Variants in EPC2 observed in about 807,000 individuals in gnomAD.
EPC2 encodes enhancer of polycomb 2, also known as enhancer of polycomb homolog 2.
Under a neutral mutation model 92.1 loss-of-function variants are expected in EPC2, and 14 were observed. That is an observed-to-expected ratio of 0.15 (90% CI 0.10 to 0.24). EPC2 has a LOEUF of 0.24. Among genes scored for constraint, EPC2 ranks in the 10% least tolerant of loss-of-function variants. The pLI, the probability that EPC2 is intolerant of heterozygous loss-of-function variation, is 1.00. For synonymous variants in EPC2, 340 were observed against 334.7 expected (o/e 1.02, Z -0.17); for missense variants, 755 against 971.5 (o/e 0.78, Z 2.96).
chr2:148,662,380 C>G (rs148629065), intron 1 of EPC2, among the ~76,000 whole-genome samples: 1 of 152,044 alleles, frequency 6.6e-6, no homozygotes, highest in Non-Finnish European at 1.5e-5. Context: ...ATGTTTATTG[C>G]GGCACTTTTC....
At chr2:148,682,027 C>T (rs114417330) in intron 1 of EPC2, among the ~76,000 whole-genome samples, 3,930 of 152,266 alleles carry the variant, frequency 0.026, 56 homozygotes, top group East Asian at 0.031. Context: ...CAGCTGCATC[C>T]ATGTCCCAGC....
intron 2 of EPC2, among the ~76,000 whole-genome samples, chr2:148,728,331 TA>T (rs1358413192): frequency 3.1e-4 from 47 of 152,190 alleles, no homozygotes; most frequent in African/African-American, 1.1e-3. Flanking sequence ...TGCTTAATAA[TA>T]TAGTCTCAAA....
At chr2:148,683,195 A>C (rs975082635) in intron 1 of EPC2, among the ~76,000 whole-genome samples, 3 of 151,844 alleles carry the variant, frequency 2.0e-5, no homozygotes, top group African/African-American at 4.8e-5. Context: ...AGCAGTGTAC[A>C]CTGTACCCAG....
At chr2:148,709,938 C>G (rs1019597181) in intron 2 of EPC2, among the ~76,000 whole-genome samples, 3 of 152,044 alleles carry the variant, frequency 2.0e-5, no homozygotes, top group African/African-American at 7.2e-5. Context: ...TAGGCATGGA[C>G]AAGGAATTCA....
intron 3 of EPC2, among the ~76,000 whole-genome samples, chr2:148,744,260 T>G (rs1481285682): frequency 1.3e-5 from 2 of 152,152 alleles, no homozygotes; most frequent in Admixed American, 1.3e-4. Flanking sequence ...TGGCACTGTC[T>G]TTCTGGAAAG....
intron 2 of EPC2, among the ~76,000 whole-genome samples, chr2:148,706,460 A>C (rs1017703970): frequency 3.9e-5 from 6 of 152,228 alleles, no homozygotes; most frequent in African/African-American, 1.4e-4. Context: ...CAACCTAGCA[A>C]GGCAGGCCAA....
At chr2:148,682,124 A>G (rs1558807843) in intron 1 of EPC2, among the ~76,000 whole-genome samples, 1 of 152,196 alleles carries the variant, frequency 6.6e-6, no homozygotes, top group Non-Finnish European at 1.5e-5. Flanking sequence ...TCTGTCATTC[A>G]TGGACATTTG....
At chr2:148,705,957 C>G (rs1681990551) in intron 2 of EPC2, among the ~76,000 whole-genome samples, 1 of 152,214 alleles carries the variant, frequency 6.6e-6, no homozygotes, top group East Asian at 1.9e-4. Context: ...CAAAGGATCA[C>G]AGCTCCTCAC....
chr2:148,655,426 T>C (rs777260287), intron 1 of EPC2, among the ~76,000 whole-genome samples: 1 of 152,210 alleles, frequency 6.6e-6, no homozygotes, highest in Non-Finnish European at 1.5e-5. Context: ...ATAAACAATT[T>C]TTAATATGTG....
chr2:148,677,824 T>C (rs1681301489), intron 1 of EPC2, among the ~76,000 whole-genome samples: 1 of 152,088 alleles, frequency 6.6e-6, no homozygotes, highest in African/African-American at 2.4e-5. Context: ...AGTTGTTTGT[T>C]CCTCCCGGTG....
intron 3 of EPC2, among the ~76,000 whole-genome samples, chr2:148,752,095 A>T (rs950118030): frequency 2.6e-5 from 4 of 152,190 alleles, no homozygotes; most frequent in Non-Finnish European, 5.9e-5. Flanking sequence ...GAGCATAAGA[A>T]GCAATGTTAA....
chr2:148,673,119 C>T (rs1007205426), intron 1 of EPC2, among the ~76,000 whole-genome samples: 1 of 152,106 alleles, frequency 6.6e-6, no homozygotes, highest in Admixed American at 6.5e-5. Context: ...GATTCTCTGT[C>T]TTTGACTTTT....
At chr2:148,678,142 C>T (rs190723757) in intron 1 of EPC2, among the ~76,000 whole-genome samples, 83 of 152,242 alleles carry the variant, frequency 5.5e-4, no homozygotes, top group Non-Finnish European at 1.1e-3. Flanking sequence ...AGGTTCTCCA[C>T]GGTCCCCACC....
At chr2:148,710,175 A>G (rs1682106189) in intron 2 of EPC2, among the ~76,000 whole-genome samples, 1 of 152,234 alleles carries the variant, frequency 6.6e-6, no homozygotes, top group Non-Finnish European at 1.5e-5. Flanking sequence ...AACACCATCA[A>G]AAAGTGGGCA....
chr2:148,743,484 T>A lies in EPC2; in HGVS notation c.314-138T>A, dbSNP rs996180605. On this transcript the variant is annotated intron_variant, in intron 2 of 13. Transcript: ENST00000258484. The stretch of plus-strand genomic sequence containing the variant: ...TCCACTGTGCAGTAAGTCTCTGAAA[T>A]TAATTGTGGATACCTTCTCCTGAGC... 4.5e-4 allele frequency: 259 copies of A among 576,682 alleles called. 1 individual carries two copies. The highest frequency in any genetic ancestry group is 7.8e-5 in the Non-Finnish European group (28 of 358,552). 35.7% of individuals were successfully genotyped at this position (576,682 alleles called of 1,614,324 possible).
Position 148,754,150 on chromosome 2 carries a change from G to A in EPC2, c.666+17G>A. 1.3e-6 allele frequency: 2 copies of A among 1,561,988 alleles called. No individual in the cohort carries two copies. Among genetic ancestry groups the A allele is most frequent in the Non-Finnish European group, 1.7e-6 (2 of 1,151,342 alleles). Reference sequence around the variant, plus strand: ...ACTCGAAAGGTAATGTGCAAATTAGGTTTCATTGAAGGTAGCTTAATAGTA... The same window carrying A: ...ACTCGAAAGGTAATGTGCAAATTAGATTTCATTGAAGGTAGCTTAATAGTA... On this transcript the variant is annotated intron_variant, in intron 4 of 13. Coordinates refer to ENST00000258484, the MANE Select transcript of EPC2 (RefSeq NM_015630.4).
Position 148,736,668 on chromosome 2 carries a change from T to C in EPC2, c.314-6954T>C, listed in dbSNP as rs1164871954. On this transcript the variant is annotated intron_variant, in intron 2 of 13. Transcript: ENST00000258484. Reference sequence around the variant, plus strand: ...CTAAAGGTTTTAGCCTTCCACACTTTTTTCTACAGTTACTTTTTTTCCACA... The same window carrying C: ...CTAAAGGTTTTAGCCTTCCACACTTCTTTCTACAGTTACTTTTTTTCCACA... 3.9e-5 allele frequency among the ~76,000 whole-genome samples: 6 copies of C among 152,290 alleles called. No homozygotes were observed. In the East Asian group the frequency reaches 1.2e-3, roughly 29 times the overall value.
chr2:148,650,145 A>G (rs1351148402), intron 1 of EPC2, among the ~76,000 whole-genome samples: 1 of 152,162 alleles, frequency 6.6e-6, no homozygotes, highest in Non-Finnish European at 1.5e-5. Context: ...TTTGCTCATT[A>G]ATATATTCCA....
At chr2:148,711,882 A>G (rs956061780) in intron 2 of EPC2, among the ~76,000 whole-genome samples, 1 of 152,114 alleles carries the variant, frequency 6.6e-6, no homozygotes, top group African/African-American at 2.4e-5. Context: ...CTTCTGTCTC[A>G]AGTGATTATA....
Sources: gnomAD v4.1 joint callset for allele counts (sites outside exome capture counted in the v4.1 genomes callset) on GRCh38, gnomAD v4.1.1 for gene constraint, MANE v1.5 for transcripts, NCBI Gene and HGNC (gene_info 2026-07-23, HGNC 2026-07-21) for gene names.